Variants in GRID2 observed in about 807,000 individuals in gnomAD.
GRID2 encodes the protein glutamate receptor ionotropic, delta-2.
Under a neutral mutation model 114.8 loss-of-function variants are expected in GRID2, and 33 were observed. The observed-to-expected ratio is 0.29, with a 90% CI of 0.22 to 0.38. The LOEUF (loss-of-function observed/expected upper bound fraction) is 0.38. Among genes scored for constraint, GRID2 ranks in the 10% least tolerant of loss-of-function variants. The probability of loss-of-function intolerance (pLI) is 1.00; values close to 1 mark genes in which losing one functional copy is unlikely to be tolerated. For synonymous variants in GRID2, 505 were observed against 449.9 expected (o/e 1.12, Z -1.55); for missense variants, 1,184 against 1,257.7 (o/e 0.94, Z 0.89).
At chr4:93,705,964 A>C (rs557596238) in intron 14 of GRID2, among the ~76,000 whole-genome samples, 1 of 152,164 alleles carries the variant, frequency 6.6e-6, no homozygotes, top group African/African-American at 2.4e-5. Flanking sequence ...TGTTCTTGGC[A>C]CCTAAGTTGG....
At chr4:92,972,998 C>T (rs770228970) in intron 2 of GRID2, among the ~76,000 whole-genome samples, 3 of 151,984 alleles carry the variant, frequency 2.0e-5, no homozygotes, top group Non-Finnish European at 4.4e-5. Flanking sequence ...TTTTTTAATC[C>T]AGTCTATCGT....
chr4:93,020,590 T>A (rs1304379401), intron 2 of GRID2, among the ~76,000 whole-genome samples: 1 of 152,172 alleles, frequency 6.6e-6, no homozygotes, highest in Non-Finnish European at 1.5e-5. Context: ...GGGTTTAAAA[T>A]GGAATTATTT....
intron 8 of GRID2, among the ~76,000 whole-genome samples, chr4:93,355,437 C>G (rs1342167077): frequency 6.6e-6 from 1 of 151,990 alleles, no homozygotes; most frequent in Non-Finnish European, 1.5e-5. Flanking sequence ...AGTCTGTTTA[C>G]GTGGATTGGG....
chr4:93,766,207 C>T (rs747100763), intron 14 of GRID2, among the ~76,000 whole-genome samples: 11 of 152,150 alleles, frequency 7.2e-5, no homozygotes, highest in South Asian at 4.2e-4. Flanking sequence ...TGTATTAGTT[C>T]GTTCTCTCAC....
chr4:92,403,589 G>C (rs1730889650), intron 1 of GRID2, among the ~76,000 whole-genome samples: 1 of 151,894 alleles, frequency 6.6e-6, no homozygotes, highest in African/African-American at 2.4e-5. Context: ...CTACTCAGGA[G>C]GCTGAGACAG....
chr4:93,059,122 G>T (rs984269490), intron 2 of GRID2, among the ~76,000 whole-genome samples: 1 of 152,176 alleles, frequency 6.6e-6, no homozygotes, highest in South Asian at 2.1e-4. Flanking sequence ...TAATGTAAAT[G>T]TATCAATCAG....
downstream of GRID2, among the ~76,000 whole-genome samples, chr4:93,778,915 C>T (rs919269870): frequency 6.6e-6 from 1 of 152,018 alleles, no homozygotes; most frequent in Non-Finnish European, 1.5e-5. Context: ...TAAAAATATG[C>T]AGTGCAGCAA....
chr4:92,912,403 A>C (rs1748455425), intron 2 of GRID2, among the ~76,000 whole-genome samples: 1 of 151,844 alleles, frequency 6.6e-6, no homozygotes, highest in Non-Finnish European at 1.5e-5. Context: ...CCTTAGCTGC[A>C]ACACACTATT....
intron 1 of GRID2, among the ~76,000 whole-genome samples, chr4:92,415,778 A>ATC (rs1334891763): frequency 8.7e-6 from 1 of 115,524 alleles, no homozygotes; most frequent in Non-Finnish European, 1.8e-5. Context: ...ATATATATAT[A>ATC]TATCACATTT....
At chr4:92,451,936 G>A (rs1272256685) in intron 1 of GRID2, among the ~76,000 whole-genome samples, 1 of 152,122 alleles carries the variant, frequency 6.6e-6, no homozygotes, top group Non-Finnish European at 1.5e-5. Context: ...CCAGGATTAG[G>A]CTGTCTTGTG....
intron 2 of GRID2, among the ~76,000 whole-genome samples, chr4:92,904,202 A>C: frequency 6.6e-6 from 1 of 151,494 alleles, no homozygotes; most frequent in Middle Eastern, 3.4e-3. Context: ...GCCTTTTTTC[A>C]AAATTTTTTC....
At chr4:93,462,331 G>A (rs1053099494) in intron 11 of GRID2, among the ~76,000 whole-genome samples, 3 of 152,096 alleles carry the variant, frequency 2.0e-5, no homozygotes, top group African/African-American at 7.2e-5. Context: ...TCTGATGAGA[G>A]GAGCAGCCAG....
chr4:92,553,095 G>A (rs1051963857), intron 1 of GRID2, among the ~76,000 whole-genome samples: 9 of 152,142 alleles, frequency 5.9e-5, no homozygotes, highest in Non-Finnish European at 1.2e-4. Flanking sequence ...TGGGTGGGGA[G>A]CAAGGCTAAG....
intron 2 of GRID2, among the ~76,000 whole-genome samples, chr4:92,770,590 C>T (rs1005079121): frequency 7.9e-5 from 12 of 152,024 alleles, no homozygotes; most frequent in Admixed American, 4.6e-4. Context: ...GCTGGGGAGG[C>T]CTCACAATCA....
At chr4:93,161,537 T>C (rs1344137990) in intron 4 of GRID2, among the ~76,000 whole-genome samples, 1 of 151,886 alleles carries the variant, frequency 6.6e-6, no homozygotes, top group East Asian at 1.9e-4. Context: ...AATAATTAGC[T>C]GTACATGGTA....
chr4:93,004,424 T>G (rs191746030), intron 2 of GRID2, among the ~76,000 whole-genome samples: 1 of 152,084 alleles, frequency 6.6e-6, no homozygotes, highest in Admixed American at 6.6e-5. Context: ...GCACTTTATT[T>G]ACCACCTATG....
chr4:93,446,361 C>T (rs754205438), intron 10 of GRID2, among the ~76,000 whole-genome samples: 2 of 151,994 alleles, frequency 1.3e-5, no homozygotes, highest in Non-Finnish European at 2.9e-5. Context: ...AAATAGACTG[C>T]ACCAATTGTT....
At chr4:92,886,883 C>T (rs1221942250) in intron 2 of GRID2, among the ~76,000 whole-genome samples, 2 of 152,136 alleles carry the variant, frequency 1.3e-5, no homozygotes, top group Non-Finnish European at 2.9e-5. Context: ...CCTCGGCCTC[C>T]CAAAGTGCTG....
At chr4:92,777,053 G>A (rs1285335325) in intron 2 of GRID2, among the ~76,000 whole-genome samples, 1 of 151,792 alleles carries the variant, frequency 6.6e-6, no homozygotes, top group African/African-American at 2.4e-5. Flanking sequence ...CAGTGTGGAA[G>A]TAAGTCCTCC....
Sources: gnomAD v4.1 joint callset for allele counts (sites outside exome capture counted in the v4.1 genomes callset) on GRCh38, gnomAD v4.1.1 for gene constraint, MANE v1.5 for transcripts, NCBI Gene and HGNC (gene_info 2026-07-23, HGNC 2026-07-21) for gene names.